Variants in RAD21 observed in about 807,000 individuals in gnomAD.
RAD21 encodes the protein RAD21 cohesin complex component.
A neutral mutation model predicts 71.5 loss-of-function variants in RAD21; 18 were observed. The observed-to-expected ratio is 0.25, with a 90% confidence interval of 0.17 to 0.37. The LOEUF is 0.37. RAD21 is among the 10% of genes least tolerant of loss of function. The pLI is 1.00. For synonymous variants in RAD21, 248 were observed against 254.0 expected (o/e 0.98, Z 0.22); for missense variants, 493 against 769.1 (o/e 0.64, Z 4.25).
At chr8:116,873,701 C>G (rs1812894356) in intron 1 of RAD21, among the ~76,000 whole-genome samples, 1 of 152,100 alleles carries the variant, frequency 6.6e-6, no homozygotes, top group South Asian at 2.1e-4. Flanking sequence ...CAGGGTTTCC[C>G]TCTTACAAAT....
chr8:116,868,711 T>C (rs1177554411), intron 1 of RAD21, among the ~76,000 whole-genome samples: 1 of 152,044 alleles, frequency 6.6e-6, no homozygotes, highest in East Asian at 1.9e-4. Context: ...AGACTTACTA[T>C]ATAGCTATAA....
At chr8:116,866,854 A>C in intron 1 of RAD21, 93 bp from the exon 2 acceptor site, 1 of 813,914 alleles carries the variant, frequency 1.2e-6, no homozygotes. Context: ...TTCTCTCTTT[A>C]ATATGAAAAC....
At chr8:116,856,814 T>C (rs1435162719) in intron 6 of RAD21, 43 bp from the exon 7 acceptor site, 1 of 1,395,274 alleles carries the variant, frequency 7.2e-7, no homozygotes, top group Admixed American at 2.5e-5. Context: ...GAAAAAGAAA[T>C]GCCAAACCAC....
intron 1 of RAD21, 83 bp downstream of exon 1, chr8:116,874,528 T>G: frequency 7.7e-6 from 2 of 258,598 alleles, no homozygotes; most frequent in South Asian, 3.3e-5. Context: ...CCCCCAGGAG[T>G]CCGGCTCCCC....
chr8:116,871,676 C>A (rs1247692942), intron 1 of RAD21, among the ~76,000 whole-genome samples: 2 of 152,172 alleles, frequency 1.3e-5, no homozygotes, highest in African/African-American at 4.8e-5. Flanking sequence ...CTTGGAGATG[C>A]ATATTACTAA....
chr8:116,857,096 A>G (rs1031488780), intron 6 of RAD21, among the ~76,000 whole-genome samples, 171 bp downstream of exon 6: 1 of 152,198 alleles, frequency 6.6e-6, no homozygotes, highest in African/African-American at 2.4e-5. Flanking sequence ...GTTTTGTTAC[A>G]ACATTTTAAG....
chr8:116,852,071 G>A lies in RAD21; in HGVS notation c.1347C>T (p.Ser449=), dbSNP rs760592900. Residue 449 remains serine (S), a synonymous_variant, in exon 11 of 14, where the codon AGC becomes AGT. Coordinates refer to ENST00000297338, the MANE Select transcript of RAD21 (RefSeq NM_006265.3). ...VIDEPIIEEP[S]RLQESVMEAS... ...CCTCCATCACTGACTCCTGGAGGCG[G>A]CTTGGCTCTTCAATAATGGGCTCAT... The A allele has an allele frequency of 5.0e-6, 8 of 1,608,628 alleles. No homozygotes were observed. The Admixed American group carries it at 1.0e-4, about 20-fold the overall frequency.
chr8:116,873,585 AAAG>A (rs1812887910), intron 1 of RAD21, among the ~76,000 whole-genome samples: 2 of 152,158 alleles, frequency 1.3e-5, no homozygotes, highest in African/African-American at 4.8e-5. Context: ...TCCCTTGCAA[AAAG>A]AAGCCGATAA....
intron 7 of RAD21, 52 bp from the exon 8 acceptor site, chr8:116,856,340 C>CAT: frequency 7.6e-7 from 1 of 1,310,700 alleles, no homozygotes. Flanking sequence ...TGGTATATAA[C>CAT]ATATATCCCA....
chr8:116,874,107 T>G (rs1166550506), intron 1 of RAD21: 1 of 145,968 alleles, frequency 6.9e-6, no homozygotes, highest in African/African-American at 2.6e-5. Flanking sequence ...CGCACTTTCT[T>G]GAGCCCCGCA....
At chr8:116,859,701 C>T (rs553958812) in intron 4 of RAD21, among the ~76,000 whole-genome samples, 3 of 152,198 alleles carry the variant, frequency 2.0e-5, no homozygotes. Flanking sequence ...CTCCCTGTTC[C>T]TTGAGACACA....
chr8:116,856,018 G>T, intron 8 of RAD21, 148 bp downstream of exon 8: 1 of 765,636 alleles, frequency 1.3e-6, no homozygotes, highest in Non-Finnish European at 2.0e-6. Flanking sequence ...TAAAGCAACA[G>T]TAGCAGATCA....
At chr8:116,859,196 T>C (rs1309369713) in intron 4 of RAD21, among the ~76,000 whole-genome samples, 1 of 152,134 alleles carries the variant, frequency 6.6e-6, no homozygotes, top group Non-Finnish European at 1.5e-5. Context: ...CACTTTGTTT[T>C]ACTGAGTTTC....
rs1411614521 is a variant in RAD21, at chr8:116,852,648, C to T, written c.1222G>A (p.Gly408Arg). The part of the protein sequence containing the change: ...PEDLRKRRKG[G>R]EADNLDEFLK... Reference sequence around the variant, plus strand: ...AATTCATCCAAATTATCTGCCTCTCCTCCTTTCCTCCTTTTTCTAAGGTCT... The same window carrying T: ...AATTCATCCAAATTATCTGCCTCTCTTCCTTTCCTCCTTTTTCTAAGGTCT... The change falls in exon 10 of 14, where the codon GGA (glycine) becomes AGA (arginine). Residue 408 changes from glycine to arginine, a missense_variant. This residue lies in a region of RAD21 where 225 missense variants were observed against 218.3 expected (regional missense o/e 1.03). Transcript: ENST00000297338. The T allele has an allele frequency of 6.2e-7, 1 of 1,613,074 alleles. No homozygotes were observed. The highest frequency in any genetic ancestry group is 2.2e-5 in the East Asian group (1 of 44,840).
rs1187610188 is a variant in RAD21, at chr8:116,863,272, C to T, written c.145-13G>A. ...ATGCCATTTTCACCTATGAATAAAA[C>T]ATTAATCATATTCCAAAACCTGCAT... On this transcript the variant is annotated splice_polypyrimidine_tract_variant and intron_variant, in intron 2 of 13. Transcript: ENST00000297338. The T allele has an allele frequency of 1.3e-6, 2 of 1,599,922 alleles. No homozygotes were observed. The highest frequency in any genetic ancestry group is 1.3e-5 in the African/African-American group (1 of 74,520).
chr8:116,847,343 C>T lies in RAD21; in HGVS notation c.*157G>A. 1 of 616,208 alleles carries T rather than the reference C, an allele frequency of 1.6e-6. No individual in the cohort carries two copies. The highest frequency in any genetic ancestry group is 2.7e-6 in the Non-Finnish European group (1 of 373,896). The allele number at this position is 616,208 out of a possible 1,614,324, so 38.2% of individuals were successfully genotyped here. On this transcript the variant is annotated 3_prime_UTR_variant, in exon 14 of 14. Transcript: ENST00000297338. Reference sequence around the variant, plus strand: ...CAGTTTCCCTCAAAGATGAAATTGACAAATTTAATGTACTGGAAAAAAATG... The same window carrying T: ...CAGTTTCCCTCAAAGATGAAATTGATAAATTTAATGTACTGGAAAAAAATG...
At position 116,847,546 on chromosome 8, in the gene RAD21, TACGGTTC is replaced by T. The variant is rs1425722960; in HGVS notation, c.1843_1849del (p.Glu615ThrfsTer22). The T allele has an allele frequency of 6.2e-7, 1 of 1,613,952 alleles. No homozygotes were observed. Among genetic ancestry groups the T allele is most frequent in the Non-Finnish European group, 8.5e-7 (1 of 1,179,954 alleles). ...TCCAGGTGTTGCGATGATGTCACTG[TACGGTTC>T]TTCCTGTGTCAGCTCAATAGCTTGC... On this transcript the variant is annotated frameshift_variant, in exon 14 of 14. Coordinates refer to ENST00000297338, the MANE Select transcript of RAD21 (RefSeq NM_006265.3). LOFTEE classifies it high-confidence loss of function.
chr8:116,858,226 C>T (rs1309309640), intron 5 of RAD21, 126 bp downstream of exon 5: 7 of 694,710 alleles, frequency 1.0e-5, no homozygotes, highest in Non-Finnish European at 1.6e-5. Context: ...AAATTCTTTT[C>T]TTGATGAAAA....
chr8:116,849,254 T>C, intron 12 of RAD21: 1 of 421,822 alleles, frequency 2.4e-6, no homozygotes, highest in Non-Finnish European at 4.2e-6. Context: ...AAGCAAACAT[T>C]TGGCTGAAAG....
Sources: gnomAD v4.1 joint callset for allele counts (sites outside exome capture counted in the v4.1 genomes callset) on GRCh38, gnomAD v4.1.1 for gene constraint, gnomAD v4.1.1 regional missense constraint, MANE v1.5 for transcripts, NCBI Gene and HGNC (gene_info 2026-07-23, HGNC 2026-07-21) for gene names.